The following KLRK1 variants were observed in gnomAD, a reference collection of about 807,000 sequenced individuals.
The protein encoded by KLRK1 is NKG2-D type II integral membrane protein.
KLRK1 carries 40 observed loss-of-function variants against 31.3 expected under a neutral mutation model. The ratio of observed to expected loss-of-function variants is 1.28; its 90% CI spans 0.99 to 1.67. KLRK1 has a LOEUF of 1.67. KLRK1 is among the 40% of genes most tolerant of loss of function. KLRK1 has a pLI of 0.00. For missense variants in KLRK1, 251 were observed against 260.0 expected, an observed-to-expected ratio of 0.97 and a Z score of 0.24; for synonymous variants, 77 against 77.3, an observed-to-expected ratio of 1.00 and a Z score of 0.02.
chr12:10,389,330 A>G (rs1863231073), intron 1 of KLRK1, among the ~76,000 whole-genome samples: 1 of 152,170 alleles, frequency 6.6e-6, no homozygotes, highest in African/African-American at 2.4e-5. Flanking sequence ...TTTCTAGTGC[A>G]TTTTAATCCA....
Position 10,380,030 on chromosome 12 carries a change from A to C in KLRK1, c.149-238T>G, listed in dbSNP as rs187171226. Among the ~76,000 whole-genome samples, 5 of 151,150 alleles carry C rather than the reference A, an allele frequency of 3.3e-5. No individual in the cohort carries two copies. In the East Asian group the frequency reaches 7.7e-4, roughly 23 times the overall value. ...AAGTTCCCCAGTCATCCCTAGAGTA[A>C]ATTATGCTTATGATTTTTTGTTGTT... On this transcript the variant is annotated intron_variant, in intron 3 of 7. Coordinates refer to ENST00000240618, the MANE Select transcript of KLRK1 (RefSeq NM_007360.4).
intron 7 of KLRK1, among the ~76,000 whole-genome samples, chr12:10,376,483 G>A (rs1862968786): frequency 6.6e-6 from 1 of 152,024 alleles, no homozygotes; most frequent in African/African-American, 2.4e-5. Context: ...ATTTTTAACT[G>A]AATGGAAACA....
chr12:10,389,475 T>C (rs1460215036), intron 1 of KLRK1, among the ~76,000 whole-genome samples: 2 of 152,200 alleles, frequency 1.3e-5, no homozygotes, highest in Non-Finnish European at 2.9e-5. Flanking sequence ...TAAATAAGCA[T>C]AGTGCTTAGA....
chr12:10,373,953 T>C (rs1862911271), intron 7 of KLRK1: 1 of 152,246 alleles, frequency 6.6e-6, no homozygotes. Flanking sequence ...TAATGATCTC[T>C]GTTCTGTAAC....
intron 3 of KLRK1, among the ~76,000 whole-genome samples, chr12:10,385,444 CTAT>C (rs1220307746): frequency 6.7e-6 from 1 of 149,546 alleles, no homozygotes; most frequent in Non-Finnish European, 1.5e-5. Context: ...GAATGAAATC[CTAT>C]TATTTGCACC....
chr12:10,373,979 T>G (rs1451185953), intron 7 of KLRK1: 3 of 152,222 alleles, frequency 2.0e-5, no homozygotes, highest in African/African-American at 7.2e-5. Context: ...AATCGGCCAC[T>G]GTAGGGAGAA....
chr12:10,385,367 G>GACACACACACACACACACACACACAC (rs3055416), intron 3 of KLRK1, among the ~76,000 whole-genome samples: 26 of 145,816 alleles, frequency 1.8e-4, no homozygotes, highest in African/African-American at 5.1e-4. Context: ...AGCACACACA[G>GACACACACACACACACACACACACAC]ACACACACAC....
chr12:10,386,120 A>AT (rs983542363), intron 3 of KLRK1, among the ~76,000 whole-genome samples: 4 of 151,034 alleles, frequency 2.6e-5, no homozygotes, highest in African/African-American at 4.9e-5. Flanking sequence ...CGGACTGTCA[A>AT]TTTTTTTTTC....
chr12:10,379,727 T>C lies in KLRK1; in HGVS notation c.214A>G (p.Thr72Ala), dbSNP rs2255336. The C allele has an allele frequency of 0.8, 1,291,330 of 1,610,626 alleles. 520,524 individuals are homozygous for C. Among genetic ancestry groups the C allele is most frequent in the South Asian group, 0.88 (79,433 of 90,248 alleles). Residue 72 changes from threonine (T) to alanine (A), a missense_variant, in exon 4 of 8, where the codon ACA becomes GCA. Thr to Ala is a moderately conservative substitution (Grantham distance 58, BLOSUM62 0). Transcript: ENST00000240618. ...AMGIRFIIMV[T>A]IWSAVFLNSL... ...TTTAGGAATACAGCACTCCATATTG[T>C]TACCATAATAATGAAACGGATTCCC... is the stretch of plus-strand genomic sequence containing the variant.
intron 1 of KLRK1, among the ~76,000 whole-genome samples, chr12:10,389,396 CT>C (rs1202294302): frequency 4.6e-5 from 7 of 152,132 alleles, no homozygotes; most frequent in Non-Finnish European, 8.8e-5. Flanking sequence ...ATTAACAAAA[CT>C]AATCTCACAT....
chr12:10,377,162 G>GT (rs1191022440), intron 7 of KLRK1, among the ~76,000 whole-genome samples: 1 of 152,182 alleles, frequency 6.6e-6, no homozygotes, highest in Non-Finnish European at 1.5e-5. Context: ...TGACTAGGAT[G>GT]TGAAGCAACT....
At chr12:10,386,291 A>G (rs1177594947) in intron 3 of KLRK1, among the ~76,000 whole-genome samples, 1 of 152,112 alleles carries the variant, frequency 6.6e-6, no homozygotes. Context: ...TAACAATTGA[A>G]TATTTTAGTC....
chr12:10,381,307 A>G (rs1490574900), intron 3 of KLRK1, among the ~76,000 whole-genome samples: 3 of 152,196 alleles, frequency 2.0e-5, no homozygotes, highest in African/African-American at 7.2e-5. Flanking sequence ...AAGCGAAACT[A>G]TCCTTTAGAA....
At chr12:10,386,249 G>A (rs936245594) in intron 3 of KLRK1, among the ~76,000 whole-genome samples, 4 of 151,944 alleles carry the variant, frequency 2.6e-5, no homozygotes. Flanking sequence ...GATAATTGTT[G>A]AGGGAAAGGG....
At chr12:10,379,410 T>TAATATATGA (rs1271216936) in intron 5 of KLRK1, 37 bp downstream of exon 5, 1 of 1,284,428 alleles carries the variant, frequency 7.8e-7, no homozygotes, top group Admixed American at 2.1e-5. Flanking sequence ...TAGATACATA[T>TAATATATGA]AATATATGAT....
At chr12:10,376,225 A>G (rs1862962550) in intron 7 of KLRK1, among the ~76,000 whole-genome samples, 1 of 152,214 alleles carries the variant, frequency 6.6e-6, no homozygotes, top group Non-Finnish European at 1.5e-5. Context: ...GAATACATAG[A>G]AAACAGCAGA....
intron 2 of KLRK1, among the ~76,000 whole-genome samples, chr12:10,387,995 T>C (rs1462745146): frequency 1.3e-5 from 2 of 152,252 alleles, no homozygotes; most frequent in East Asian, 3.8e-4. Context: ...TGATGATTAA[T>C]ATTTACTTAA....
intron 3 of KLRK1, among the ~76,000 whole-genome samples, chr12:10,383,440 CAATAT>C (rs376553468): frequency 2.0e-5 from 3 of 151,990 alleles, no homozygotes; most frequent in African/African-American, 7.2e-5. Context: ...GTCACTTCAG[CAATAT>C]AATATAGTAT....
chr12:10,374,624 A>AC (rs1285167259), intron 7 of KLRK1, among the ~76,000 whole-genome samples: 1 of 141,336 alleles, frequency 7.1e-6, no homozygotes, highest in Non-Finnish European at 1.6e-5. Flanking sequence ...TGAACTCCTG[A>AC]CCTCAGGTCC....
Sources: allele counts gnomAD v4.1 joint callset (sites outside exome capture counted in the v4.1 genomes callset), GRCh38; gene constraint gnomAD v4.1.1; transcripts MANE v1.5; gene names NCBI Gene and HGNC (gene_info 2026-07-23, HGNC 2026-07-21).